GK5: variants seen among roughly 807,000 people sequenced by gnomAD.
GK5 encodes the protein ATP:glycerol 3-phosphotransferase 5.
In GK5, 39 loss-of-function variants were observed where a neutral mutation model predicts 77.3. The observed-to-expected ratio is 0.50, with a 90% CI of 0.39 to 0.66. The LOEUF (loss-of-function observed/expected upper bound fraction) is 0.66, where lower values mean the gene tolerates loss of function less well. Among genes scored for constraint, GK5 ranks in the 30% least tolerant of loss-of-function variants. The pLI, the probability that GK5 is intolerant of heterozygous loss-of-function variation, is 0.00. For synonymous variants in GK5, 211 were observed against 208.0 expected, an observed-to-expected ratio of 1.01 and a Z score of -0.13; for missense variants, 487 against 633.8, an observed-to-expected ratio of 0.77 and a Z score of 2.49.
At chr3:142,183,233 T>C (rs1006729651) in intron 9 of GK5, 184 bp from the exon 10 acceptor site, 20 of 515,312 alleles carry the variant, frequency 3.9e-5, no homozygotes, top group African/African-American at 3.7e-4. Context: ...GGAGTCTCCC[T>C]AGGACTAATA....
At chr3:142,224,448 A>T (rs1420278958) in intron 1 of GK5, among the ~76,000 whole-genome samples, 1 of 152,242 alleles carries the variant, frequency 6.6e-6, no homozygotes, top group Non-Finnish European at 1.5e-5. Flanking sequence ...ACACCATAAC[A>T]AATAAATATT....
intron 1 of GK5, among the ~76,000 whole-genome samples, chr3:142,217,352 A>G (rs1377150652): frequency 1.3e-5 from 2 of 152,176 alleles, no homozygotes; most frequent in African/African-American, 4.8e-5. Flanking sequence ...TAAAAAAGAA[A>G]AGTTTTAGAA....
At chr3:142,167,370 T>C (rs2063485299) in intron 15 of GK5, among the ~76,000 whole-genome samples, 1 of 150,398 alleles carries the variant, frequency 6.6e-6, no homozygotes, top group African/African-American at 2.5e-5. Context: ...TGAGACTCCA[T>C]CTCAAAAAAA....
intron 3 of GK5, among the ~76,000 whole-genome samples, chr3:142,208,874 G>T (rs1445474592): frequency 6.6e-6 from 1 of 152,244 alleles, no homozygotes; most frequent in Non-Finnish European, 1.5e-5. Flanking sequence ...TAGAGGCCGG[G>T]CGTGGTGGCT....
At position 142,187,669 on chromosome 3, in the gene GK5, G is replaced by A. The variant is rs374075358; in HGVS notation, c.619+35C>T. 66 of 1,423,810 alleles carry A rather than the reference G, an allele frequency of 4.6e-5. 1 individual carries two copies. In the South Asian group the frequency reaches 5.7e-4, roughly 12 times the overall value. 88.2% of individuals were successfully genotyped at this position (1,423,810 alleles called of 1,614,324 possible). A position where few individuals can be genotyped will look rare whatever the true frequency, so the allele number is the denominator to read the frequency against. ...AAATCATTTCTCTTGATCAAATTTC[G>A]GTTATTTAAAATAGATCTTTCAGGT... is the stretch of plus-strand genomic sequence containing the variant. On this transcript the variant is annotated intron_variant, in intron 6 of 15. Transcript: ENST00000392993.
At position 142,165,342 on chromosome 3, in the gene GK5, A is replaced by C. The variant is rs560207000; in HGVS notation, c.*280T>G. 1 of 266,864 alleles carries C rather than the reference A, an allele frequency of 3.7e-6. No individual in the cohort carries two copies. The highest frequency in any genetic ancestry group is 6.9e-6 in the Non-Finnish European group (1 of 144,652). The allele number at this position is 266,864 out of a possible 1,614,324, so 16.5% of individuals were successfully genotyped here. ...CAGTATAAAAAGGAAGAGGACCCAT[A>C]ACTGTCAAAATGTGGTTGGAAATGA... is the stretch of plus-strand genomic sequence containing the variant. On this transcript the variant is annotated 3_prime_UTR_variant, in exon 16 of 16. Transcript: ENST00000392993.
chr3:142,221,101 T>C (rs904616240), intron 1 of GK5, among the ~76,000 whole-genome samples: 1 of 152,090 alleles, frequency 6.6e-6, no homozygotes, highest in African/African-American at 2.4e-5. Flanking sequence ...ACATGTAGTA[T>C]GAAAAGGCCA....
chr3:142,202,319 G>A (rs1230945802), intron 4 of GK5, among the ~76,000 whole-genome samples: 1 of 152,162 alleles, frequency 6.6e-6, no homozygotes, highest in African/African-American at 2.4e-5. Flanking sequence ...AAGCAACAGT[G>A]GCAAGAGATT....
At position 142,204,689 on chromosome 3, in the gene GK5, G is replaced by T; in HGVS notation, c.411+6C>A. 1 of 1,413,286 alleles carries T rather than the reference G, an allele frequency of 7.1e-7. No homozygotes were observed. The highest frequency in any genetic ancestry group is 1.0e-6 in the Non-Finnish European group (1 of 1,000,484). 87.5% of individuals were successfully genotyped at this position (1,413,286 alleles called of 1,614,324 possible). A position where few individuals can be genotyped will look rare whatever the true frequency, so the allele number is the denominator to read the frequency against. On this transcript the variant is annotated splice_donor_region_variant and intron_variant, in intron 4 of 15. Coordinates refer to ENST00000392993, the MANE Select transcript of GK5 (RefSeq NM_001039547.3). The stretch of plus-strand genomic sequence containing the variant: ...CAATATCCAAATCACACAAGAAAAA[G>T]ATTACCTTCATAAGAAGAGAATTAT...
chr3:142,179,425 T>C (rs1299992219), intron 11 of GK5, among the ~76,000 whole-genome samples: 2 of 152,190 alleles, frequency 1.3e-5, no homozygotes, highest in Admixed American at 1.3e-4. Flanking sequence ...GGCGTGCCTG[T>C]AATCCCAGCT....
intron 11 of GK5, among the ~76,000 whole-genome samples, chr3:142,181,056 T>C (rs2063690602): frequency 6.6e-6 from 1 of 152,202 alleles, no homozygotes; most frequent in Non-Finnish European, 1.5e-5. Context: ...TGTGCATTTC[T>C]TTAATTATCG....
intron 2 of GK5, among the ~76,000 whole-genome samples, chr3:142,213,812 T>C (rs2107797195): frequency 6.6e-6 from 1 of 152,274 alleles, no homozygotes; most frequent in South Asian, 2.1e-4. Context: ...AGGTTGTTTC[T>C]TGTTTTTTGT....
Position 142,198,839 on chromosome 3 carries a change from G to C in GK5, c.506C>G (p.Ser169Cys). Residue 169 changes from serine to cysteine, a missense_variant, in exon 5 of 16, where the codon TCT becomes TGT. Ser to Cys is a moderately radical substitution (Grantham distance 112, BLOSUM62 -1). Transcript: ENST00000392993. ...CTGTAAAATCCAGACCAATCTCAAAGAAGTCTGCTGGGTTGTGAAAGTGAA... is the reference window on the plus strand; with the variant it reads ...CTGTAAAATCCAGACCAATCTCAAACAAGTCTGCTGGGTTGTGAAAGTGAA... The part of the protein sequence containing the change: ...SLFTFTTQQT[S>C]LRLVWILQNL... The C allele has an allele frequency of 6.2e-7, 1 of 1,612,412 alleles. No homozygotes were observed. The highest frequency in any genetic ancestry group is 8.5e-7 in the Non-Finnish European group (1 of 1,179,310).
intron 12 of GK5, among the ~76,000 whole-genome samples, chr3:142,176,759 T>C: frequency 6.8e-6 from 1 of 146,606 alleles, no homozygotes; most frequent in Non-Finnish European, 1.5e-5. Context: ...CCTCCCAGGT[T>C]CAAGCAATTC....
chr3:142,167,616 G>A (rs1003630202), intron 15 of GK5, among the ~76,000 whole-genome samples: 1 of 152,164 alleles, frequency 6.6e-6, no homozygotes, highest in African/African-American at 2.4e-5. Flanking sequence ...ATAAAATACA[G>A]AGGATATACA....
intron 6 of GK5, 104 bp from the exon 7 acceptor site, chr3:142,186,617 A>C: frequency 2.0e-6 from 1 of 495,912 alleles, no homozygotes; most frequent in Non-Finnish European, 3.5e-6. Context: ...ATTCATTCCA[A>C]AATGTGTATT....
intron 4 of GK5, among the ~76,000 whole-genome samples, chr3:142,203,393 T>C (rs1280198130): frequency 6.6e-6 from 1 of 152,212 alleles, no homozygotes; most frequent in African/African-American, 2.4e-5. Context: ...CAAGTAAAAC[T>C]GATGCTGTAG....
chr3:142,219,398 A>G (rs1265325912), intron 1 of GK5, among the ~76,000 whole-genome samples: 1 of 152,216 alleles, frequency 6.6e-6, no homozygotes, highest in African/African-American at 2.4e-5. Context: ...AGAAATAAAA[A>G]AGAATAAACA....
At chr3:142,174,749 A>G (rs1325668667) in intron 12 of GK5, among the ~76,000 whole-genome samples, 2 of 152,236 alleles carry the variant, frequency 1.3e-5, no homozygotes, top group South Asian at 2.1e-4. Context: ...CCACAACTGC[A>G]GAGGGTGAGT....
Sources: allele counts gnomAD v4.1 joint callset (sites outside exome capture counted in the v4.1 genomes callset), GRCh38; gene constraint gnomAD v4.1.1; transcripts MANE v1.5; gene names NCBI Gene and HGNC (gene_info 2026-07-23, HGNC 2026-07-21).